RBL2: variants seen among roughly 807,000 people sequenced by gnomAD.
RBL2 encodes RB transcriptional corepressor like 2.
A neutral mutation model predicts 126.0 loss-of-function variants in RBL2; 56 were observed. That is an observed-to-expected ratio of 0.44 (90% confidence interval 0.36 to 0.56). The LOEUF is 0.56. Ranked by LOEUF, RBL2 falls within the 20% of genes least tolerant of loss-of-function variation. The probability of loss-of-function intolerance (pLI) is 0.00; values close to 1 mark genes in which losing one functional copy is unlikely to be tolerated. For missense variants in RBL2, 1,229 were observed against 1,398.2 expected (o/e 0.88, Z 1.93); for synonymous variants, 454 against 478.5 (o/e 0.95, Z 0.67).
chr16:53,458,483 C>T (rs1188276932), intron 8 of RBL2, among the ~76,000 whole-genome samples: 1 of 152,084 alleles, frequency 6.6e-6, no homozygotes, highest in Non-Finnish European at 1.5e-5. Flanking sequence ...ATTCTGGTAA[C>T]CAAAGGTAGA....
At chr16:53,461,201 G>T (rs1377602999) in intron 9 of RBL2, among the ~76,000 whole-genome samples, 1 of 152,136 alleles carries the variant, frequency 6.6e-6, no homozygotes, top group Non-Finnish European at 1.5e-5. Context: ...GCACTGAAAG[G>T]TGTATCCCCG....
chr16:53,490,140 A>C lies in RBL2; in HGVS notation c.3260A>C (p.Glu1087Ala), dbSNP rs545435159. Residue 1087 changes from glutamate (E) to alanine (A), a missense_variant, in exon 22 of 22, where the codon GAA (glutamate) becomes GCA (alanine). By Grantham distance (107) the Glu-to-Ala change is moderately radical. Around this residue, in one of 2 missense-constraint regions of RBL2, gnomAD observed 1,070 missense variants for 1,274.3 expected, o/e 0.84. Coordinates refer to ENST00000262133, the MANE Select transcript of RBL2 (RefSeq NM_005611.4). Reference protein sequence around the residue: ...FSNSPSKRLREINSMIRTGET... With the variant: ...FSNSPSKRLRAINSMIRTGET... ...TTTTTCCCACCATAGAGACTGAGAGAAATTAATAGTATGATACGCACAGGA... is the reference window on the plus strand; with the variant it reads ...TTTTTCCCACCATAGAGACTGAGAGCAATTAATAGTATGATACGCACAGGA... The C allele has an allele frequency of 3.8e-6, 6 of 1,578,460 alleles. No individual in the cohort carries two copies. The South Asian group carries it at 5.8e-5, about 15-fold the overall frequency.
intron 1 of RBL2, 61 bp downstream of exon 1, chr16:53,434,857 C>CCGCGT (rs1385570561): frequency 2.8e-6 from 4 of 1,411,740 alleles, no homozygotes; most frequent in South Asian, 1.5e-5. Flanking sequence ...GCCTTCCGAG[C>CCGCGT]CGCGTCGCGC....
chr16:53,438,996 A>T lies in RBL2; in HGVS notation c.241-20A>T. Reference sequence around the variant, plus strand: ...ATATGTAGCTTTTTAACTAAAAATCAATTTTCTTTTCTTTTACAGGGAAAT... The same window carrying T: ...ATATGTAGCTTTTTAACTAAAAATCTATTTTCTTTTCTTTTACAGGGAAAT... On this transcript the variant is annotated intron_variant, in intron 1 of 21. Transcript: ENST00000262133. 1 of 1,509,276 alleles carries T rather than the reference A, an allele frequency of 6.6e-7. No homozygotes were observed. Among genetic ancestry groups the T allele is most frequent in the Non-Finnish European group, 8.9e-7 (1 of 1,125,046 alleles). The allele number at this position is 1,509,276 out of a possible 1,614,324, so 93.5% of individuals were successfully genotyped here. A position where few individuals can be genotyped will look rare whatever the true frequency, so the allele number is the denominator to read the frequency against.
At chr16:53,465,934 C>T (rs2058268485) in intron 13 of RBL2, 1 of 168,136 alleles carries the variant, frequency 5.9e-6, no homozygotes, top group Middle Eastern at 2.7e-3. Context: ...ATCCTCGCCA[C>T]CTCCCATCGC....
At chr16:53,455,477 A>T (rs905274353) in intron 8 of RBL2, among the ~76,000 whole-genome samples, 25 of 152,230 alleles carry the variant, frequency 1.6e-4, no homozygotes, top group Non-Finnish European at 1.0e-4. Flanking sequence ...TTTATATGTC[A>T]GGTTGTGTCC....
intron 18 of RBL2, 23 bp downstream of exon 18, chr16:53,479,248 C>T (rs1960849253): frequency 1.3e-6 from 2 of 1,591,734 alleles, no homozygotes; most frequent in African/African-American, 1.3e-5. Flanking sequence ...TCTCTATGGG[C>T]TGAAAAATAA....
At chr16:53,454,559 A>C (rs2058148354) in intron 7 of RBL2, 97 bp from the exon 8 acceptor site, 1 of 1,174,796 alleles carries the variant, frequency 8.5e-7, no homozygotes, top group Admixed American at 2.6e-5. Context: ...CTTTCAAAAA[A>C]CTATTAGAAC....
intron 11 of RBL2, 82 bp from the exon 12 acceptor site, chr16:53,464,144 T>C (rs564916918): frequency 8.6e-7 from 1 of 1,157,462 alleles, no homozygotes; most frequent in East Asian, 2.8e-5. Flanking sequence ...CTTTCTTTGG[T>C]ATTTTCACTT....
In RBL2 at chr16:53,444,183, AG is replaced by A. The variant is rs564645152; in HGVS notation, c.572+1326del. 5.7e-4 allele frequency among the ~76,000 whole-genome samples: 86 copies of A among 152,210 alleles called. No homozygotes were observed. The South Asian group carries it at 0.017, about 29-fold the overall frequency. On this transcript the variant is annotated intron_variant, in intron 3 of 21. Coordinates refer to ENST00000262133, the MANE Select transcript of RBL2 (RefSeq NM_005611.4). ...AGAATCCCTTGAACCGAGAGGCAGA[AG>A]TTGTGAGCCAAGATCGTACCATTGC...
chr16:53,441,409 T>A (rs2058014981), intron 2 of RBL2, among the ~76,000 whole-genome samples: 1 of 152,166 alleles, frequency 6.6e-6, no homozygotes, highest in Non-Finnish European at 1.5e-5. Context: ...CCTGCACACA[T>A]GTATAAGGAT....
In RBL2 at chr16:53,435,478, T is replaced by G. The variant is rs7193951; in HGVS notation, c.240+682T>G. On this transcript the variant is annotated intron_variant, in intron 1 of 21. Coordinates refer to ENST00000262133, the MANE Select transcript of RBL2 (RefSeq NM_005611.4). ...GGGCATTGCACAGGACTCCTGTTGT[T>G]GTTGCGATCCGGGTGTGTTAGGTCG... 352 of 863,924 alleles carry G rather than the reference T, an allele frequency of 4.1e-4. No individual in the cohort carries two copies. In the African/African-American group the frequency reaches 5.9e-3, roughly 14 times the overall value. The allele number at this position is 863,924 out of a possible 1,614,324, so 53.5% of individuals were successfully genotyped here. A position where few individuals can be genotyped will look rare whatever the true frequency, so the allele number is the denominator to read the frequency against.
rs1364898026 is a variant in RBL2, at chr16:53,434,567, G to A, written c.11G>A (p.Gly4Glu). The stretch of plus-strand genomic sequence containing the variant: ...GCCCAGGGGTGCGCTATGCCGTCGG[G>A]AGGTGACCAGTCGCCACCGCCCCCG... The part of the protein sequence containing the change: MPS[G>E]GDQSPPPPPP... The change falls in exon 1 of 22, where the codon GGA becomes GAA. Residue 4 changes from glycine (G) to glutamate (E), a missense_variant. This residue lies in a region of RBL2 where 159 missense variants were observed against 123.9 expected (regional missense o/e 1.28). Transcript: ENST00000262133. 4.6e-6 allele frequency: 7 copies of A among 1,527,516 alleles called. No individual in the cohort carries two copies. Among genetic ancestry groups the A allele is most frequent in the Non-Finnish European group, 6.1e-6 (7 of 1,146,494 alleles). The allele number at this position is 1,527,516 out of a possible 1,614,324, so 94.6% of individuals were successfully genotyped here.
In RBL2 at chr16:53,439,024, T is replaced by C. The variant is rs147910541; in HGVS notation, c.249T>C (p.Asp83=). The change falls in exon 2 of 22, where the codon GAT becomes GAC. Residue 83 remains aspartate, a synonymous_variant. Transcript: ENST00000262133. ...MSESYTLEGN[D]LHWLACALYV... ...TTTCTTTTCTTTTACAGGGAAATGA[T>C]CTTCATTGGTTAGCATGTGCCTTAT... 740 of 1,573,936 alleles carry C rather than the reference T, an allele frequency of 4.7e-4. 2 individuals are homozygous for C. In the African/African-American group the frequency reaches 9.0e-3, roughly 19 times the overall value.
At chr16:53,435,342 TC>T (rs1262770508) in intron 1 of RBL2, among the ~76,000 whole-genome samples, 1 of 151,450 alleles carries the variant, frequency 6.6e-6, no homozygotes, top group Admixed American at 6.6e-5. Context: ...AATACTCATT[TC>T]CCCCCAGGCC....
At position 53,439,191 on chromosome 16, in the gene RBL2, C is replaced by G. The variant is rs754673148; in HGVS notation, c.371+45C>G. On this transcript the variant is annotated intron_variant, in intron 2 of 21. Transcript: ENST00000262133. ...ACAAGTAGAGTATGGCTAATGTAAG[C>G]TCATAAATCATAGTGATAGTAAGAA... 3.4e-6 allele frequency: 5 copies of G among 1,452,898 alleles called. No individual in the cohort carries two copies. In the South Asian group the frequency reaches 7.5e-5, roughly 22 times the overall value. The allele number at this position is 1,452,898 out of a possible 1,614,324, so 90.0% of individuals were successfully genotyped here. A position where few individuals can be genotyped will look rare whatever the true frequency, so the allele number is the denominator to read the frequency against.
At chr16:53,476,926 A>G (rs1275121430) in intron 17 of RBL2, among the ~76,000 whole-genome samples, 1 of 152,210 alleles carries the variant, frequency 6.6e-6, no homozygotes, top group African/African-American at 2.4e-5. Context: ...TTGACTATGT[A>G]TATAATTGGA....
intron 21 of RBL2, among the ~76,000 whole-genome samples, chr16:53,484,411 T>G (rs1961078165): frequency 1.3e-5 from 2 of 152,188 alleles, no homozygotes; most frequent in South Asian, 4.1e-4. Flanking sequence ...TTTATCTGAC[T>G]GGACAAAAAA....
intron 21 of RBL2, among the ~76,000 whole-genome samples, chr16:53,483,984 CTT>C (rs1227047873): frequency 7.1e-6 from 1 of 140,234 alleles, no homozygotes; most frequent in Non-Finnish European, 1.5e-5. Context: ...ATTTATAAAA[CTT>C]ATGAAAACTG....
Sources: gnomAD v4.1 joint callset for allele counts (sites outside exome capture counted in the v4.1 genomes callset) on GRCh38, gnomAD v4.1.1 for gene constraint, gnomAD v4.1.1 regional missense constraint, MANE v1.5 for transcripts, NCBI Gene and HGNC (gene_info 2026-07-23, HGNC 2026-07-21) for gene names.